The following ADCY2 variants were observed in gnomAD, a reference collection of about 807,000 sequenced individuals.
ADCY2 encodes adenylate cyclase 2, also known as adenylate cyclase type 2.
ADCY2 carries 31 observed loss-of-function variants against 125.2 expected under a neutral mutation model. The observed-to-expected ratio is 0.25, with a 90% CI of 0.19 to 0.33. The LOEUF (loss-of-function observed/expected upper bound fraction) is 0.33. Among genes scored for constraint, ADCY2 ranks in the 10% least tolerant of loss-of-function variants. ADCY2 has a pLI of 1.00. For synonymous variants in ADCY2, 512 were observed against 548.4 expected, an observed-to-expected ratio of 0.93 and a Z score of 0.93; for missense variants, 904 against 1,418.2, an observed-to-expected ratio of 0.64 and a Z score of 5.82.
chr5:7,629,122 T>C (rs1228010456), intron 4 of ADCY2, among the ~76,000 whole-genome samples: 1 of 152,240 alleles, frequency 6.6e-6, no homozygotes, highest in African/African-American at 2.4e-5. Context: ...TCAGTCATTG[T>C]TTAGATAAAT....
At chr5:7,821,527 C>T (rs1561043448) in intron 24 of ADCY2, among the ~76,000 whole-genome samples, 3 of 152,188 alleles carry the variant, frequency 2.0e-5, no homozygotes, top group Admixed American at 6.5e-5. Context: ...TCCGCACCCA[C>T]GTCCTGTGCT....
At chr5:7,468,643 A>T (rs1028989665) in intron 2 of ADCY2, among the ~76,000 whole-genome samples, 2 of 152,114 alleles carry the variant, frequency 1.3e-5, no homozygotes, top group Non-Finnish European at 2.9e-5. Flanking sequence ...GTGGGAAATT[A>T]TTGCTCTGAA....
intron 3 of ADCY2, among the ~76,000 whole-genome samples, chr5:7,610,928 C>T (rs958330646): frequency 2.0e-5 from 3 of 152,162 alleles, no homozygotes; most frequent in South Asian, 2.1e-4. Context: ...TTCTTCATTT[C>T]GGTTCTACTC....
intron 2 of ADCY2, among the ~76,000 whole-genome samples, chr5:7,482,793 C>T (rs12517074): frequency 0.37 from 39,995 of 108,836 alleles, 6,795 homozygotes; most frequent in African/African-American, 0.42. Context: ...TATATATATA[C>T]ACACACACAT....
chr5:7,566,482 C>T (rs1378515823), intron 3 of ADCY2, among the ~76,000 whole-genome samples: 1 of 151,850 alleles, frequency 6.6e-6, no homozygotes. Flanking sequence ...GGTGACAGAG[C>T]TAAGAACCTG....
intron 2 of ADCY2, among the ~76,000 whole-genome samples, chr5:7,423,238 G>A (rs1740275680): frequency 6.6e-6 from 1 of 152,162 alleles, no homozygotes; most frequent in African/African-American, 2.4e-5. Flanking sequence ...GTGTTTATTG[G>A]GAGACCTCCA....
intron 2 of ADCY2, among the ~76,000 whole-genome samples, chr5:7,431,249 TG>T (rs779230585): frequency 6.6e-6 from 1 of 152,168 alleles, no homozygotes; most frequent in Non-Finnish European, 1.5e-5. Flanking sequence ...CATGCCTATG[TG>T]GTCAGTTTAT....
chr5:7,717,851 G>A (rs1741639411), intron 12 of ADCY2, among the ~76,000 whole-genome samples: 1 of 152,156 alleles, frequency 6.6e-6, no homozygotes, highest in Non-Finnish European at 1.5e-5. Flanking sequence ...TTGGGTACGT[G>A]TGTCATAACT....
Position 7,793,719 on chromosome 5 carries a change from C to A in ADCY2, c.2628+3919C>A, listed in dbSNP as rs534764531. 4.6e-5 allele frequency: 7 copies of A among 152,360 alleles called. No individual in the cohort carries two copies. The East Asian group carries it at 1.3e-3, about 29-fold the overall frequency. 9.4% of individuals were successfully genotyped at this position (152,360 alleles called of 1,614,324 possible). A position where few individuals can be genotyped will look rare whatever the true frequency, so the allele number is the denominator to read the frequency against. On this transcript the variant is annotated intron_variant, in intron 20 of 24. Transcript: ENST00000338316. Reference sequence around the variant, plus strand: ...GTATTTGTCAAATAAAGAAGGTGAACCCCTTGGGGGTGTCATCACAGCCAC... The same window carrying A: ...GTATTTGTCAAATAAAGAAGGTGAAACCCTTGGGGGTGTCATCACAGCCAC...
At chr5:7,543,539 G>C (rs4702478) in intron 3 of ADCY2, among the ~76,000 whole-genome samples, 31,113 of 152,094 alleles carry the variant, frequency 0.2, 3,780 homozygotes, top group East Asian at 0.41. Flanking sequence ...TTCCCCAACA[G>C]TTAGTGAGTC....
At chr5:7,563,726 C>T (rs577206063) in intron 3 of ADCY2, among the ~76,000 whole-genome samples, 1 of 152,270 alleles carries the variant, frequency 6.6e-6, no homozygotes, top group Non-Finnish European at 1.5e-5. Flanking sequence ...GCATCCAGTG[C>T]TTACTTTGCA....
intron 2 of ADCY2, among the ~76,000 whole-genome samples, chr5:7,430,246 A>G (rs886178699): frequency 2.6e-5 from 4 of 152,180 alleles, no homozygotes; most frequent in Admixed American, 2.6e-4. Flanking sequence ...TCCAGGTCCA[A>G]ATGGCTTCCC....
intron 4 of ADCY2, among the ~76,000 whole-genome samples, chr5:7,626,839 A>G (rs1738147104): frequency 6.6e-6 from 1 of 152,078 alleles, no homozygotes; most frequent in Admixed American, 6.6e-5. Flanking sequence ...CTGGGGATCA[A>G]ATTTCAACAT....
rs150429177 is a variant in ADCY2 at position 7,506,001 on chromosome 5, C to T, written c.409-14737C>T. ...ATGAAGACCTTACCTTTTTTTTTTC[C>T]CCACTTCTGAGATGGTACAATTCAA... is the stretch of plus-strand genomic sequence containing the variant. On this transcript the variant is annotated intron_variant, in intron 2 of 24. Transcript: ENST00000338316. 4.3e-3 allele frequency among the ~76,000 whole-genome samples: 643 copies of T among 149,594 alleles called. 5 individuals are homozygous for T. Among genetic ancestry groups the T allele is most frequent in the South Asian group, 0.025 (119 of 4,748 alleles).
intron 4 of ADCY2, among the ~76,000 whole-genome samples, chr5:7,683,699 G>C (rs1166366338): frequency 6.6e-6 from 1 of 152,166 alleles, no homozygotes; most frequent in African/African-American, 2.4e-5. Flanking sequence ...ATTTCAGAAC[G>C]ATAGTCCAGT....
intron 4 of ADCY2, among the ~76,000 whole-genome samples, chr5:7,668,603 GT>G (rs1415795043): frequency 1.3e-5 from 2 of 152,124 alleles, no homozygotes; most frequent in African/African-American, 4.8e-5. Flanking sequence ...GAAAACAAGA[GT>G]TTTTGTTTTT....
intron 3 of ADCY2, among the ~76,000 whole-genome samples, chr5:7,614,434 C>A (rs746379382): frequency 6.6e-6 from 1 of 152,158 alleles, no homozygotes; most frequent in African/African-American, 2.4e-5. Flanking sequence ...CTTCAACTGC[C>A]AGTTTACATG....
At chr5:7,749,497 T>C (rs1473550800) in intron 15 of ADCY2, among the ~76,000 whole-genome samples, 1 of 152,196 alleles carries the variant, frequency 6.6e-6, no homozygotes, top group African/African-American at 2.4e-5. Context: ...CAATTAGCAA[T>C]TAAAAATAGT....
At chr5:7,594,741 G>A (rs1736953903) in intron 3 of ADCY2, among the ~76,000 whole-genome samples, 1 of 152,042 alleles carries the variant, frequency 6.6e-6, no homozygotes, top group African/African-American at 2.4e-5. Flanking sequence ...TCACCAGGTG[G>A]GTAGGATTTT....
Sources: gnomAD v4.1 joint callset for allele counts (sites outside exome capture counted in the v4.1 genomes callset) on GRCh38, gnomAD v4.1.1 for gene constraint, MANE v1.5 for transcripts, NCBI Gene and HGNC (gene_info 2026-07-23, HGNC 2026-07-21) for gene names.